Variants in FAAH2 observed in about 807,000 individuals in gnomAD.
FAAH2 encodes the protein fatty-acid amide hydrolase 2.
FAAH2 carries 60 observed loss-of-function variants against 36.9 expected under a neutral mutation model. The ratio of observed to expected loss-of-function variants is 1.63; its 90% CI spans 1.32 to 2.02. FAAH2 has a LOEUF of 2.02. Ranked by LOEUF, FAAH2 falls within the 30% of genes most tolerant of loss-of-function variation. The probability of loss-of-function intolerance (pLI) is 0.00; values close to 1 mark genes in which losing one functional copy is unlikely to be tolerated. For synonymous variants in FAAH2, 214 were observed against 143.8 expected (o/e 1.49, Z -3.49); for missense variants, 689 against 397.5 (o/e 1.73, Z -6.23).
chrX:57,294,675 A>T lies in FAAH2; in HGVS notation c.275+2095A>T, dbSNP rs184370511. Among the ~76,000 whole-genome samples, 227 of 111,808 alleles carry T rather than the reference A, an allele frequency of 2.0e-3. 2 individuals are homozygous for T. The highest frequency in any genetic ancestry group is 7.1e-3 in the African/African-American group (219 of 30,714). On this transcript the variant is annotated intron_variant, in intron 2 of 10. Coordinates refer to ENST00000374900, the MANE Select transcript of FAAH2 (RefSeq NM_174912.4). ...CTCTATCATCTGCATAACTTTGCAC[A>T]TGTTATTACTTTTGCCTGGAACACT... is the stretch of plus-strand genomic sequence containing the variant.
the FAAH2 span, among the ~76,000 whole-genome samples, chrX:57,186,655 G>T: frequency 8.9e-6 from 1 of 111,948 alleles, no homozygotes; most frequent in South Asian, 3.7e-4. Context: ...TTTGCTGAAT[G>T]ATATTGCCTA....
intron 4 of FAAH2, among the ~76,000 whole-genome samples, chrX:57,338,428 G>A (rs1423981030): frequency 9.0e-6 from 1 of 111,421 alleles, no homozygotes; most frequent in Non-Finnish European, 1.9e-5. Flanking sequence ...CTTCTTTTGT[G>A]GTGGAATGTC....
the FAAH2 span, among the ~76,000 whole-genome samples, chrX:57,223,150 A>C: frequency 2.7e-5 from 3 of 112,259 alleles, no homozygotes; most frequent in Admixed American, 2.8e-4. Flanking sequence ...TCTCATCAGC[A>C]AACTCCTTCA....
chrX:57,424,163 C>A (rs1232253916), intron 7 of FAAH2, among the ~76,000 whole-genome samples: 4 of 111,908 alleles, frequency 3.6e-5, no homozygotes, highest in Non-Finnish European at 7.5e-5. Context: ...GAAAATTAAA[C>A]AAATTCTACA....
At chrX:57,432,944 A>G (rs999557854) in intron 8 of FAAH2, among the ~76,000 whole-genome samples, 8 of 108,375 alleles carry the variant, frequency 7.4e-5, no homozygotes, top group Non-Finnish European at 1.6e-4. Context: ...TCCATAAGGC[A>G]GAACTCACAC....
At chrX:57,469,870 G>A (rs889377677) in intron 10 of FAAH2, among the ~76,000 whole-genome samples, 9 of 111,618 alleles carry the variant, frequency 8.1e-5, no homozygotes, top group Admixed American at 1.9e-4. Context: ...CTCAGCAAAT[G>A]TAAAAGAACA....
At chrX:57,186,443 T>G in the FAAH2 span, among the ~76,000 whole-genome samples, 1 of 111,993 alleles carries the variant, frequency 8.9e-6, no homozygotes, top group Non-Finnish European at 1.9e-5. Context: ...TTTAAGTTCC[T>G]TTTAGATTCT....
chrX:57,338,011 T>C (rs1171717364), intron 4 of FAAH2, among the ~76,000 whole-genome samples: 1 of 112,014 alleles, frequency 8.9e-6, no homozygotes, highest in Non-Finnish European at 1.9e-5. Flanking sequence ...AACCCCATCA[T>C]CTCAGCCCAA....
chrX:57,181,781 A>G, the FAAH2 span, among the ~76,000 whole-genome samples: 2 of 112,173 alleles, frequency 1.8e-5, no homozygotes, highest in African/African-American at 6.5e-5. Context: ...GGCAATCCTA[A>G]GCAAAAAGCA....
At chrX:57,212,554 T>C in the FAAH2 span, among the ~76,000 whole-genome samples, 4 of 112,648 alleles carry the variant, frequency 3.6e-5, no homozygotes, top group South Asian at 3.6e-4. Context: ...AAATAAAATA[T>C]TCATTGAAGA....
At chrX:57,255,806 C>G in the FAAH2 span, among the ~76,000 whole-genome samples, 2 of 111,478 alleles carry the variant, frequency 1.8e-5, no homozygotes, top group African/African-American at 6.5e-5. Context: ...ATGACAAACC[C>G]ACAACCGATA....
intron 10 of FAAH2, among the ~76,000 whole-genome samples, chrX:57,471,064 C>G (rs1389582953): frequency 3.6e-5 from 4 of 111,714 alleles, no homozygotes; most frequent in Non-Finnish European, 7.5e-5. Flanking sequence ...GGTAAAAACT[C>G]TCAATAAATC....
At chrX:57,145,442 A>T in the FAAH2 span, among the ~76,000 whole-genome samples, 1 of 111,373 alleles carries the variant, frequency 9.0e-6, no homozygotes, top group Non-Finnish European at 1.9e-5. Context: ...AGTTCCCAGG[A>T]GATTCCGGAT....
At chrX:57,331,467 C>G (rs779627503) in intron 3 of FAAH2, 131 bp from the exon 4 acceptor site, 23 of 501,933 alleles carry the variant, frequency 4.6e-5, no homozygotes, top group African/African-American at 4.1e-4. Flanking sequence ...GTGTGCCAGT[C>G]TTTCCAATGC....
At chrX:57,452,397 C>G in intron 10 of FAAH2, 1 of 704,345 alleles carries the variant, frequency 1.4e-6, no homozygotes, top group Non-Finnish European at 1.7e-6. Flanking sequence ...CATTCTTTTT[C>G]TCTGAGAACA....
chrX:57,163,523 C>T, the FAAH2 span, among the ~76,000 whole-genome samples: 1 of 111,692 alleles, frequency 9.0e-6, no homozygotes, highest in Non-Finnish European at 1.9e-5. Context: ...ACTCCGTGGG[C>T]GTAGGACCCT....
chrX:57,418,233 T>A (rs762502874), intron 7 of FAAH2, among the ~76,000 whole-genome samples: 3 of 110,824 alleles, frequency 2.7e-5, no homozygotes, highest in African/African-American at 9.8e-5. Flanking sequence ...TCCAGGGGAG[T>A]GAACAGTTCT....
chrX:57,469,514 A>G (rs1179042807), intron 10 of FAAH2, among the ~76,000 whole-genome samples: 1 of 112,171 alleles, frequency 8.9e-6, no homozygotes, highest in African/African-American at 3.2e-5. Context: ...GCCATTACAT[A>G]ATAAAAAAGT....
chrX:57,371,786 A>G (rs1472956103), intron 5 of FAAH2, among the ~76,000 whole-genome samples: 2 of 111,672 alleles, frequency 1.8e-5, no homozygotes, highest in Non-Finnish European at 3.8e-5. Flanking sequence ...GGTTTTCACC[A>G]TTAACACTTT....
Sources: allele counts gnomAD v4.1 joint callset (sites outside exome capture counted in the v4.1 genomes callset), GRCh38; gene constraint gnomAD v4.1.1; transcripts MANE v1.5; gene names NCBI Gene and HGNC (gene_info 2026-07-23, HGNC 2026-07-21).